PTPN14: variants seen among roughly 807,000 people sequenced by gnomAD.
The protein encoded by PTPN14 is tyrosine-protein phosphatase non-receptor type 14.
A neutral mutation model predicts 126.8 loss-of-function variants in PTPN14; 53 were observed. The ratio of observed to expected loss-of-function variants is 0.42; its 90% CI spans 0.34 to 0.53. PTPN14 has a LOEUF of 0.53. Among genes scored for constraint, PTPN14 ranks in the 20% least tolerant of loss-of-function variants. The pLI is 0.08. For missense variants in PTPN14, 1,257 were observed against 1,552.9 expected, an observed-to-expected ratio of 0.81 and a Z score of 3.20; for synonymous variants, 630 against 599.3, an observed-to-expected ratio of 1.05 and a Z score of -0.75.
chr1:214,550,943 T>C (rs1409914574), intron 1 of PTPN14, among the ~76,000 whole-genome samples: 1 of 152,210 alleles, frequency 6.6e-6, no homozygotes, highest in African/African-American at 2.4e-5. Flanking sequence ...CTCCCCAGAC[T>C]GCGCTCACCT....
chr1:214,522,506 G>A (rs1055374776), intron 1 of PTPN14, among the ~76,000 whole-genome samples: 6 of 152,270 alleles, frequency 3.9e-5, no homozygotes, highest in Non-Finnish European at 5.9e-5. Flanking sequence ...AAACATCCAA[G>A]CCCGCAGAAC....
intron 1 of PTPN14, among the ~76,000 whole-genome samples, chr1:214,490,580 T>C (rs2102416549): frequency 6.6e-6 from 1 of 152,068 alleles, no homozygotes; most frequent in Admixed American, 6.5e-5. Flanking sequence ...CTCACACCTG[T>C]AATCTCAATA....
intron 7 of PTPN14, among the ~76,000 whole-genome samples, chr1:214,400,434 G>A (rs761967873): frequency 2.2e-4 from 34 of 152,172 alleles, no homozygotes; most frequent in Admixed American, 1.8e-3. Context: ...CTCAGAGGAA[G>A]GTATTATAAC....
intron 1 of PTPN14, among the ~76,000 whole-genome samples, chr1:214,484,468 TAA>T (rs2102679605): frequency 6.6e-6 from 1 of 152,290 alleles, no homozygotes; most frequent in East Asian, 1.9e-4. Flanking sequence ...ATGGCTGAGT[TAA>T]AGTGGTAAAA....
intron 1 of PTPN14, among the ~76,000 whole-genome samples, chr1:214,478,779 A>G (rs939431404): frequency 6.6e-6 from 1 of 152,204 alleles, no homozygotes; most frequent in Non-Finnish European, 1.5e-5. Flanking sequence ...AACTGAGGCT[A>G]CATAACCTGG....
intron 3 of PTPN14, among the ~76,000 whole-genome samples, chr1:214,420,953 T>G (rs1294328407): frequency 6.6e-6 from 1 of 152,248 alleles, no homozygotes; most frequent in Non-Finnish European, 1.5e-5. Context: ...TGAGTCTGTT[T>G]TGATCTGTCT....
At chr1:214,418,965 T>C (rs1373584062) in intron 3 of PTPN14, among the ~76,000 whole-genome samples, 1 of 152,186 alleles carries the variant, frequency 6.6e-6, no homozygotes, top group Non-Finnish European at 1.5e-5. Flanking sequence ...AAGGAGTGGC[T>C]ATGTCCAACA....
At position 214,376,220 on chromosome 1, in the gene PTPN14, T is replaced by C; in HGVS notation, c.2906A>G (p.Lys969Arg). ...NTGYINASHIKVVVGGAEWHY... is the reference protein window; with the variant it reads ...NTGYINASHIRVVVGGAEWHY... ...CTTCTAACAGGCTTGCCTTCTTACC[T>C]TGATGTGGGAGGCATTAATGTATCC... Residue 969 changes from lysine (K) to arginine (R), a missense_variant and splice_region_variant, in exon 15 of 19, where the codon AAG becomes AGG. Transcript: ENST00000366956. 3 of 1,612,530 alleles carry C rather than the reference T, an allele frequency of 1.9e-6. No homozygotes were observed. The highest frequency in any genetic ancestry group is 2.5e-6 in the Non-Finnish European group (3 of 1,178,642).
At chr1:214,380,960 A>C (rs1484123844) in intron 13 of PTPN14, among the ~76,000 whole-genome samples, 1 of 152,156 alleles carries the variant, frequency 6.6e-6, no homozygotes, top group Non-Finnish European at 1.5e-5. Context: ...TGAGTGTAGC[A>C]GATTTGGGGG....
At chr1:214,497,376 A>T (rs1427043896) in intron 1 of PTPN14, among the ~76,000 whole-genome samples, 1 of 152,224 alleles carries the variant, frequency 6.6e-6, no homozygotes, top group Admixed American at 6.5e-5. Context: ...AAAAAATTAA[A>T]GAGATCATTT....
At chr1:214,387,590 A>G (rs957180681) in intron 11 of PTPN14, among the ~76,000 whole-genome samples, 1 of 150,514 alleles carries the variant, frequency 6.6e-6, no homozygotes, top group African/African-American at 2.4e-5. Flanking sequence ...GAGGCGTGAG[A>G]GTCGTTGAAC....
At chr1:214,506,635 CTG>C (rs1215328591) in intron 1 of PTPN14, among the ~76,000 whole-genome samples, 2 of 152,236 alleles carry the variant, frequency 1.3e-5, no homozygotes, top group African/African-American at 4.8e-5. Context: ...AAAAGTGAAA[CTG>C]TATCTTCGTG....
intron 3 of PTPN14, among the ~76,000 whole-genome samples, chr1:214,418,090 G>C (rs947438798): frequency 6.6e-6 from 1 of 152,164 alleles, no homozygotes; most frequent in Admixed American, 6.5e-5. Flanking sequence ...CAGTGAAATG[G>C]GAATGGAAGC....
At chr1:214,394,808 A>G (rs1347497918) in intron 9 of PTPN14, 91 bp downstream of exon 9, 5 of 1,120,380 alleles carry the variant, frequency 4.5e-6, no homozygotes, top group South Asian at 2.5e-5. Flanking sequence ...TATTATCTCA[A>G]GATAGGGAGA....
chr1:214,375,626 G>C (rs988425686), intron 15 of PTPN14, among the ~76,000 whole-genome samples: 3 of 152,174 alleles, frequency 2.0e-5, no homozygotes, highest in African/African-American at 7.2e-5. Flanking sequence ...AAGGTTTGAA[G>C]TATTTGAAAT....
At chr1:214,399,736 T>G (rs137871725) in intron 7 of PTPN14, among the ~76,000 whole-genome samples, 24 of 152,330 alleles carry the variant, frequency 1.6e-4, no homozygotes, top group African/African-American at 5.5e-4. Context: ...AGAACTCCCA[T>G]TATTCAAATA....
intron 10 of PTPN14, among the ~76,000 whole-genome samples, chr1:214,392,421 T>C (rs958928371): frequency 6.6e-6 from 1 of 152,180 alleles, no homozygotes; most frequent in African/African-American, 2.4e-5. Context: ...CCGTAAATTT[T>C]ATAGTAAAAC....
chr1:214,521,381 A>G (rs1309556900), intron 1 of PTPN14, among the ~76,000 whole-genome samples: 1 of 152,214 alleles, frequency 6.6e-6, no homozygotes, highest in Non-Finnish European at 1.5e-5. Context: ...TTGAGAGAAA[A>G]AGATGTATAA....
At chr1:214,541,437 T>C (rs548104017) in intron 1 of PTPN14, among the ~76,000 whole-genome samples, 98 of 152,304 alleles carry the variant, frequency 6.4e-4, no homozygotes, top group African/African-American at 2.1e-3. Context: ...TCACACCTGA[T>C]CTCACCTGCC....
Sources: allele counts gnomAD v4.1 joint callset (sites outside exome capture counted in the v4.1 genomes callset), GRCh38; gene constraint gnomAD v4.1.1; transcripts MANE v1.5; gene names NCBI Gene and HGNC (gene_info 2026-07-23, HGNC 2026-07-21).